Variants in DEPP1 observed in about 807,000 individuals in gnomAD.
DEPP1 encodes DEPP autophagy regulator 1.
For synonymous variants in DEPP1, 117 were observed against 113.6 expected, an observed-to-expected ratio of 1.03 and a Z score of -0.19; for missense variants, 267 against 280.1, an observed-to-expected ratio of 0.95 and a Z score of 0.33.
Position 44,978,650 on chromosome 10 carries a change from A to T in DEPP1, c.-58T>A, listed in dbSNP as rs560888705. 1 of 152,348 alleles carries T rather than the reference A, an allele frequency of 6.6e-6. No homozygotes were observed. Among genetic ancestry groups the T allele is most frequent in the Admixed American group, 6.5e-5 (1 of 15,296 alleles). The allele number at this position is 152,348 out of a possible 1,614,324, so 9.4% of individuals were successfully genotyped here. A position where few individuals can be genotyped will look rare whatever the true frequency, so the allele number is the denominator to read the frequency against. On this transcript the variant is annotated 5_prime_UTR_variant, in exon 1 of 2. Coordinates refer to ENST00000298295, the MANE Select transcript of DEPP1 (RefSeq NM_007021.4). ...TGAGGAGGTCTGGGGGTGGCAGGAG[A>T]ATGGATGAGCAGGGACAGTCCAGTC...
upstream of DEPP1, chr10:44,978,809 TGAA>T (rs1841571127): frequency 6.6e-6 from 1 of 152,218 alleles, no homozygotes; most frequent in Non-Finnish European, 1.5e-5. Context: ...CTGAGCAGTG[TGAA>T]GAACCTTCGC....
In DEPP1 at chr10:44,977,150, GT is replaced by G. The variant is rs1841467236; in HGVS notation, c.*241del. 2 of 449,302 alleles carry G rather than the reference GT, an allele frequency of 4.5e-6. No homozygotes were observed. The highest frequency in any genetic ancestry group is 7.8e-6 in the Non-Finnish European group (2 of 256,856). The allele number at this position is 449,302 out of a possible 1,614,324, so 27.8% of individuals were successfully genotyped here. ...ACTGAGGAACACAGATGTTAAGTAA[GT>G]TGCTCAAGGTGATCAGCCAGCAAGG... is the stretch of plus-strand genomic sequence containing the variant. On this transcript the variant is annotated 3_prime_UTR_variant, in exon 2 of 2. Transcript: ENST00000298295.
rs763856475 is a variant in DEPP1, at chr10:44,977,490, C to T, written c.541G>A (p.Gly181Arg). Residue 181 changes from glycine (G) to arginine (R), a missense_variant, in exon 2 of 2, where the codon GGG becomes AGG. By Grantham distance (125) the Gly-to-Arg change is moderately radical (BLOSUM62 -2). Coordinates refer to ENST00000298295, the MANE Select transcript of DEPP1 (RefSeq NM_007021.4). ...QSSDLRSWTF[G>R]QSAQAMASRH... is the part of the protein sequence containing the mutation. ...GAGGCCATGGCTTGGGCAGACTGCC[C>T]AAAAGTCCAGCTTCTTAGGTCAGAG... 2 of 1,613,136 alleles carry T rather than the reference C, an allele frequency of 1.2e-6. No homozygotes were observed. Among genetic ancestry groups the T allele is most frequent in the Admixed American group, 1.7e-5 (1 of 60,022 alleles).
At position 44,976,857 on chromosome 10, in the gene DEPP1, T is replaced by A. The variant is rs1841450736; in HGVS notation, c.*535A>T. The A allele has an allele frequency of 6.5e-6, 1 of 152,724 alleles. No homozygotes were observed. Among genetic ancestry groups the A allele is most frequent in the South Asian group, 2.1e-4 (1 of 4,850 alleles). 9.5% of individuals were successfully genotyped at this position (152,724 alleles called of 1,614,324 possible). A position where few individuals can be genotyped will look rare whatever the true frequency, so the allele number is the denominator to read the frequency against. On this transcript the variant is annotated 3_prime_UTR_variant, in exon 2 of 2. Transcript: ENST00000298295. ...GTGACAGTCCCCCGGAATACATTAG[T>A]GCATTTGCTAAGACTCCATGTGTTC...
Position 44,977,853 on chromosome 10 carries a change from G to A in DEPP1, c.178C>T (p.Gln60Ter). The A allele has an allele frequency of 1.2e-6, 2 of 1,609,848 alleles. No homozygotes were observed. The highest frequency in any genetic ancestry group is 1.7e-6 in the Non-Finnish European group (2 of 1,178,398). Residue 60 changes from glutamine to a stop codon, truncating the protein, a stop_gained, in exon 2 of 2, where the codon CAG becomes TAG. Coordinates refer to ENST00000298295, the MANE Select transcript of DEPP1 (RefSeq NM_007021.4). LOFTEE classifies it low-confidence loss of function (END_TRUNC). ...PTSVLDKATA[Q>*]GQPRPPHRPA... ...CTGTGGGGTGGCCTGGGTTGGCCCT[G>A]GGCCGTGGCCTTGTCCAGCACAGAG...
Position 44,977,530 on chromosome 10 carries a change from CTGCGGTGGTCTTGCCAGGGAA to C in DEPP1, c.480_500del (p.His160_Pro166del). 3 of 1,613,490 alleles carry C rather than the reference CTGCGGTGGTCTTGCCAGGGAA, an allele frequency of 1.9e-6. No individual in the cohort carries two copies. The highest frequency in any genetic ancestry group is 2.5e-6 in the Non-Finnish European group (3 of 1,179,980). The stretch of plus-strand genomic sequence containing the variant: ...TTAGGTCAGAGCTCTGCTGCCCATC[CTGCGGTGGTCTTGCCAGGGAA>C]TGCCCAGGCATCCTGGCTTCACAGA... On this transcript the variant is annotated inframe_deletion, in exon 2 of 2. Transcript: ENST00000298295.
intron 1 of DEPP1, chr10:44,978,335 C>G (rs1306912263): frequency 3.0e-6 from 1 of 338,588 alleles, no homozygotes; most frequent in African/African-American, 2.2e-5. Context: ...GGGTTTAAAA[C>G]CAGGATCGGC....
At position 44,977,452 on chromosome 10, in the gene DEPP1, G is replaced by C. The variant is rs1198910659; in HGVS notation, c.579C>G (p.Pro193=). Residue 193 remains proline (P), a synonymous_variant, in exon 2 of 2, where the codon CCC becomes CCG. Coordinates refer to ENST00000298295, the MANE Select transcript of DEPP1 (RefSeq NM_007021.4). Reference sequence around the variant, plus strand: ...GTGTTCTGAGGACACTGCTGGGGCGGGGGCGGTGGCGGGAGGCCATGGCTT... The same window carrying C: ...GTGTTCTGAGGACACTGCTGGGGCGCGGGCGGTGGCGGGAGGCCATGGCTT... The part of the protein sequence containing the change: ...SAQAMASRHR[P]RPSSVLRTLY... 3 of 1,611,864 alleles carry C rather than the reference G, an allele frequency of 1.9e-6. No homozygotes were observed. Among genetic ancestry groups the C allele is most frequent in the Non-Finnish European group, 2.5e-6 (3 of 1,179,160 alleles).
chr10:44,976,469 T>C lies in DEPP1; in HGVS notation c.*923A>G, dbSNP rs1458539343. ...CTTGGCTGTTGCCCCCAGCTCAATCTTCCTCCTCTCCTCTCTCTGTCCCTT... is the reference window on the plus strand; with the variant it reads ...CTTGGCTGTTGCCCCCAGCTCAATCCTCCTCCTCTCCTCTCTCTGTCCCTT... On this transcript the variant is annotated 3_prime_UTR_variant, in exon 2 of 2. Transcript: ENST00000298295. 6.6e-6 allele frequency: 1 copy of C among 152,382 alleles called. No homozygotes were observed. Among genetic ancestry groups the C allele is most frequent in the East Asian group, 1.9e-4 (1 of 5,204 alleles). The allele number at this position is 152,382 out of a possible 1,614,324, so 9.4% of individuals were successfully genotyped here.
In DEPP1 at chr10:44,977,726, A is replaced by G. The variant is rs1387546054; in HGVS notation, c.305T>C (p.Val102Ala). Residue 102 changes from valine to alanine, a missense_variant, in exon 2 of 2, where the codon GTG (valine) becomes GCG (alanine). Val to Ala is a moderately conservative substitution (Grantham distance 64). Transcript: ENST00000298295. ...CCCAAAAAGCCAGTCCAGGGGGTCC[A>G]CAGTATCAGCCATGGGCAGTGTGGG... ...QQPTLPMADTVDPLDWLFGES... is the reference protein window; with the variant it reads ...QQPTLPMADTADPLDWLFGES... The G allele has an allele frequency of 1.9e-6, 3 of 1,610,764 alleles. No individual in the cohort carries two copies. Among genetic ancestry groups the G allele is most frequent in the Non-Finnish European group, 2.5e-6 (3 of 1,178,678 alleles).
chr10:44,977,808 T>G lies in DEPP1; in HGVS notation c.223A>C (p.Lys75Gln). Residue 75 changes from lysine to glutamine, a missense_variant, in exon 2 of 2, where the codon AAG becomes CAG. Coordinates refer to ENST00000298295, the MANE Select transcript of DEPP1 (RefSeq NM_007021.4). Reference protein sequence around the residue: ...PPHRPAQACRKGRPAVSLRDI... With the variant: ...PPHRPAQACRQGRPAVSLRDI... ...CGCAGGGACACAGCAGGGCGGCCCT[T>G]CCGGCAGGCCTGGGCTGGCCTGTGG... 1 of 1,601,280 alleles carries G rather than the reference T, an allele frequency of 6.2e-7. No homozygotes were observed. The highest frequency in any genetic ancestry group is 1.3e-5 in the African/African-American group (1 of 74,462).
At position 44,977,436 on chromosome 10, in the gene DEPP1, G is replaced by A. The variant is rs372152398; in HGVS notation, c.595C>T (p.Leu199Phe). ...GGGAGGTGCGAGTAGAGTGTTCTGA[G>A]GACACTGCTGGGGCGGGGGCGGTGG... ...SRHRPRPSSVLRTLYSHLPVI... is the reference protein window; with the variant it reads ...SRHRPRPSSVFRTLYSHLPVI... The change falls in exon 2 of 2, where the codon CTC (leucine) becomes TTC (phenylalanine). Residue 199 changes from leucine (L) to phenylalanine (F), a missense_variant. Physicochemically the swap from Leu to Phe is conservative, Grantham distance 22. Coordinates refer to ENST00000298295, the MANE Select transcript of DEPP1 (RefSeq NM_007021.4). The A allele has an allele frequency of 1.9e-6, 3 of 1,609,678 alleles. No individual in the cohort carries two copies. In the African/African-American group the frequency reaches 4.0e-5, roughly 22 times the overall value.
At position 44,978,711 on chromosome 10, in the gene DEPP1, G is replaced by C. The variant is rs796136813; in HGVS notation, c.-119C>G. On this transcript the variant is annotated 5_prime_UTR_variant, in exon 1 of 2. Transcript: ENST00000298295. ...CCCTGGGAAGCTTGGGGGCCGAAGG[G>C]TGGAGGGTCCGGCAGGGGGTCCAGC... 1.4e-4 allele frequency: 22 copies of C among 152,736 alleles called. 1 individual carries two copies. Among genetic ancestry groups the C allele is most frequent in the African/African-American group, 4.8e-4 (20 of 41,592 alleles). 9.5% of individuals were successfully genotyped at this position (152,736 alleles called of 1,614,324 possible).
At chr10:44,978,346 C>A in intron 1 of DEPP1, 1 of 304,302 alleles carries the variant, frequency 3.3e-6, no homozygotes, top group South Asian at 5.3e-5. Context: ...CAGGATCGGC[C>A]ACGCACTGAC....
Position 44,977,443 on chromosome 10 carries a change from GCT to G in DEPP1, c.586_587del (p.Ser196GlnfsTer15). On this transcript the variant is annotated frameshift_variant, in exon 2 of 2. Transcript: ENST00000298295. LOFTEE classifies it high-confidence loss of function. ...AMASRHRPRP[S>X]SVLRTLYSHL... ...GCGAGTAGAGTGTTCTGAGGACACT[GCT>G]GGGGCGGGGGCGGTGGCGGGAGGCC... is the stretch of plus-strand genomic sequence containing the variant. 6.2e-7 allele frequency: 1 copy of G among 1,611,024 alleles called. No homozygotes were observed. The highest frequency in any genetic ancestry group is 8.5e-7 in the Non-Finnish European group (1 of 1,178,716).
chr10:44,977,468 G>A lies in DEPP1; in HGVS notation c.563C>T (p.Ala188Val), dbSNP rs1841487494. ...GCTGGGGCGGGGGCGGTGGCGGGAG[G>A]CCATGGCTTGGGCAGACTGCCCAAA... ...WTFGQSAQAM[A>V]SRHRPRPSSV... Residue 188 changes from alanine to valine, a missense_variant, in exon 2 of 2, where the codon GCC becomes GTC. Ala to Val is a moderately conservative substitution (Grantham distance 64, BLOSUM62 0). Coordinates refer to ENST00000298295, the MANE Select transcript of DEPP1 (RefSeq NM_007021.4). 1 of 1,612,448 alleles carries A rather than the reference G, an allele frequency of 6.2e-7. No individual in the cohort carries two copies. Among genetic ancestry groups the A allele is most frequent in the Non-Finnish European group, 8.5e-7 (1 of 1,179,490 alleles).
Position 44,976,397 on chromosome 10 carries a change from C to T in DEPP1, c.*995G>A, listed in dbSNP as rs1374673706. 1 of 152,402 alleles carries T rather than the reference C, an allele frequency of 6.6e-6. No individual in the cohort carries two copies. The highest frequency in any genetic ancestry group is 2.4e-5 in the African/African-American group (1 of 41,590). 9.4% of individuals were successfully genotyped at this position (152,402 alleles called of 1,614,324 possible). A position where few individuals can be genotyped will look rare whatever the true frequency, so the allele number is the denominator to read the frequency against. On this transcript the variant is annotated 3_prime_UTR_variant, in exon 2 of 2. Coordinates refer to ENST00000298295, the MANE Select transcript of DEPP1 (RefSeq NM_007021.4). ...CCACAAAAAAAGAGAATAACCTAGA[C>T]TGACAGCTCACAGAGCAAGGAGGTG...
chr10:44,976,367 A>C lies in DEPP1; in HGVS notation c.*1025T>G, dbSNP rs9386. The C allele has an allele frequency of 3.9e-4, 59 of 152,392 alleles. No homozygotes were observed. Among genetic ancestry groups the C allele is most frequent in the African/African-American group, 1.3e-3 (56 of 41,592 alleles). The allele number at this position is 152,392 out of a possible 1,614,324, so 9.4% of individuals were successfully genotyped here. ...ATTTAACAAATCCAAAGCAATTAAA[A>C]ATAGCCACAAAAAAAGAGAATAACC... On this transcript the variant is annotated 3_prime_UTR_variant, in exon 2 of 2. Coordinates refer to ENST00000298295, the MANE Select transcript of DEPP1 (RefSeq NM_007021.4).
At chr10:44,978,416 G>A (rs1301181709) in intron 1 of DEPP1, among the ~76,000 whole-genome samples, 1 of 152,140 alleles carries the variant, frequency 6.6e-6, no homozygotes, top group Admixed American at 6.5e-5. Flanking sequence ...ATAAAACAGG[G>A]TTATAAATAC....
Sources: allele counts gnomAD v4.1 joint callset (sites outside exome capture counted in the v4.1 genomes callset), GRCh38; gene constraint gnomAD v4.1.1; transcripts MANE v1.5; gene names NCBI Gene and HGNC (gene_info 2026-07-23, HGNC 2026-07-21).